Variants in RAD51B observed in about 807,000 individuals in gnomAD.
The protein encoded by RAD51B is DNA repair protein RAD51 homolog 2.
In RAD51B, 38 loss-of-function variants were observed where a neutral mutation model predicts 42.2. The observed-to-expected ratio is 0.90, with a 90% CI of 0.70 to 1.18. The LOEUF (loss-of-function observed/expected upper bound fraction) is 1.18, where lower values mean the gene tolerates loss of function less well. Among genes scored for constraint, RAD51B ranks in the 50% most tolerant of loss-of-function variants. The pLI is 0.00. For missense variants in RAD51B, 373 were observed against 400.7 expected (o/e 0.93, Z 0.59); for synonymous variants, 154 against 145.2 (o/e 1.06, Z -0.43).
In RAD51B at chr14:67,988,526, A is replaced by G. The variant is rs566243024; in HGVS notation, c.756+101322A>G. The stretch of plus-strand genomic sequence containing the variant: ...AGAAATGAAAAACAACATCTTGTCT[A>G]TTTTTTCCAGGATCAGGTGTAATAG... On this transcript the variant is annotated intron_variant, in intron 7 of 10. Coordinates refer to ENST00000471583, the MANE Select transcript of RAD51B (RefSeq NM_133510.4). 1.1e-3 allele frequency among the ~76,000 whole-genome samples: 161 copies of G among 152,252 alleles called. 2 individuals carry two copies. Among genetic ancestry groups the G allele is most frequent in the African/African-American group, 3.7e-3 (153 of 41,564 alleles).
chr14:68,630,655 C>T (rs10438159), intron 10 of RAD51B, among the ~76,000 whole-genome samples: 18,532 of 152,140 alleles, frequency 0.12, 2,151 homozygotes, highest in African/African-American at 0.3. Flanking sequence ...GTTTATACTC[C>T]CCTGAGCTTC....
chr14:68,321,275 C>T (rs914359979), intron 8 of RAD51B, among the ~76,000 whole-genome samples: 1 of 152,200 alleles, frequency 6.6e-6, no homozygotes, highest in African/African-American at 2.4e-5. Context: ...TACTGCAAGA[C>T]TAGGGCAGCC....
intron 8 of RAD51B, among the ~76,000 whole-genome samples, chr14:68,336,155 A>C (rs922474210): frequency 6.6e-6 from 1 of 152,252 alleles, no homozygotes; most frequent in South Asian, 2.1e-4. Context: ...CTGATATATA[A>C]TGTATTCAAC....
intron 10 of RAD51B, among the ~76,000 whole-genome samples, chr14:68,484,359 C>CTTTTCT (rs1883442500): frequency 7.7e-6 from 1 of 130,180 alleles, no homozygotes; most frequent in African/African-American, 3.0e-5. Context: ...CTTTCTTTTT[C>CTTTTCT]TTTTTTTTTT....
intron 11 of RAD51B, among the ~76,000 whole-genome samples, chr14:68,674,124 C>G (rs1893251691): frequency 6.6e-6 from 1 of 152,056 alleles, no homozygotes. Context: ...CATGCATACA[C>G]ACATACACAC....
intron 7 of RAD51B, among the ~76,000 whole-genome samples, chr14:68,164,248 G>A (rs1054266323): frequency 6.6e-6 from 1 of 152,144 alleles, no homozygotes; most frequent in Non-Finnish European, 1.5e-5. Flanking sequence ...ATGCCTTAGA[G>A]CATTTCCTTT....
chr14:68,585,778 CA>C (rs1261096436), intron 10 of RAD51B, among the ~76,000 whole-genome samples: 1 of 152,174 alleles, frequency 6.6e-6, no homozygotes, highest in Non-Finnish European at 1.5e-5. Context: ...AAGACGTGGG[CA>C]GACGCCTGGC....
intron 7 of RAD51B, among the ~76,000 whole-genome samples, chr14:67,900,602 G>C (rs1275001696): frequency 1.5e-5 from 2 of 134,114 alleles, no homozygotes; most frequent in Non-Finnish European, 3.1e-5. Context: ...TTCAGTTTGT[G>C]TGTGTGTGTG....
rs17105514 is a variant in RAD51B at position 68,386,226 on chromosome 14, C to T, written c.854-25198C>T. Among the ~76,000 whole-genome samples, 911 of 152,218 alleles carry T rather than the reference C, an allele frequency of 6.0e-3. 14 individuals carry two copies. The highest frequency in any genetic ancestry group is 0.021 in the African/African-American group (871 of 41,530). On this transcript the variant is annotated intron_variant, in intron 8 of 10. Transcript: ENST00000471583. ...AGTCCAGCTTTTGTGCTGTGGGTTC[C>T]ATCTGCTATGTGTCTCTCCCAGTCA...
intron 10 of RAD51B, among the ~76,000 whole-genome samples, chr14:68,550,268 G>T (rs1888465600): frequency 6.6e-6 from 1 of 152,194 alleles, no homozygotes; most frequent in Non-Finnish European, 1.5e-5. Context: ...TTCCTGGAGG[G>T]GTTAATAGTC....
chr14:68,228,543 G>C (rs762590599), intron 7 of RAD51B, among the ~76,000 whole-genome samples: 1 of 151,922 alleles, frequency 6.6e-6, no homozygotes, highest in Non-Finnish European at 1.5e-5. Flanking sequence ...CAACATCTTT[G>C]ATTTTTTTTT....
chr14:67,825,197 G>A (rs1478260871), intron 2 of RAD51B, among the ~76,000 whole-genome samples: 1 of 151,736 alleles, frequency 6.6e-6, no homozygotes, highest in Non-Finnish European at 1.5e-5. Flanking sequence ...TACGCACCTG[G>A]ATTGGATGCT....
chr14:67,877,734 C>A lies in RAD51B; in HGVS notation c.453-8135C>A, dbSNP rs545825631. Among the ~76,000 whole-genome samples the A allele has an allele frequency of 1.2e-4, 19 of 152,312 alleles. No homozygotes were observed. In the South Asian group the frequency reaches 3.3e-3, roughly 27 times the overall value. On this transcript the variant is annotated intron_variant, in intron 5 of 10. Coordinates refer to ENST00000471583, the MANE Select transcript of RAD51B (RefSeq NM_133510.4). ...CTAGAGTGCAGTGGCACAATCATAG[C>A]TCACTGCTGTCTCGACTTACTGGGT...
At chr14:68,450,409 G>A (rs766685523) in intron 9 of RAD51B, among the ~76,000 whole-genome samples, 73 of 152,130 alleles carry the variant, frequency 4.8e-4, no homozygotes, top group Middle Eastern at 3.4e-3. Context: ...AGTAGAGACG[G>A]GGTTTCGCCC....
At chr14:68,395,600 C>T (rs1297706386) in intron 8 of RAD51B, among the ~76,000 whole-genome samples, 1 of 152,132 alleles carries the variant, frequency 6.6e-6, no homozygotes, top group Non-Finnish European at 1.5e-5. Flanking sequence ...GTTGTTGCTG[C>T]AATGTTGTTG....
intron 8 of RAD51B, among the ~76,000 whole-genome samples, chr14:68,349,908 CTA>C (rs2082750055): frequency 6.6e-6 from 1 of 152,152 alleles, no homozygotes; most frequent in Admixed American, 6.5e-5. Context: ...AGAAAGAAAA[CTA>C]TAAAATTACA....
rs150710854 is a variant in RAD51B, at chr14:68,173,647, T to C, written c.757-118237T>C. ...TTCATAGACTGTCTCAGTTCCTCAG[T>C]AGAGAGAACTTAGAGGAGAAATGAC... On this transcript the variant is annotated intron_variant, in intron 7 of 10. Transcript: ENST00000471583. Among the ~76,000 whole-genome samples the C allele has an allele frequency of 1.8e-3, 267 of 152,248 alleles. 1 individual carries two copies. Among genetic ancestry groups the C allele is most frequent in the African/African-American group, 5.9e-3 (246 of 41,520 alleles).
intron 9 of RAD51B, among the ~76,000 whole-genome samples, chr14:68,435,510 T>TTG (rs1555409604): frequency 2.1e-5 from 3 of 143,582 alleles, no homozygotes; most frequent in African/African-American, 5.4e-5. Flanking sequence ...TTTTTTTTTT[T>TTG]GGGAGAACAA....
intron 10 of RAD51B, among the ~76,000 whole-genome samples, chr14:68,535,084 G>A (rs727392): frequency 0.85 from 128,954 of 152,096 alleles, 56,052 homozygotes; most frequent in South Asian, 0.97. Context: ...GCTCTGGTTT[G>A]GTTCTGGAGC....
Sources: allele counts gnomAD v4.1 joint callset (sites outside exome capture counted in the v4.1 genomes callset), GRCh38; gene constraint gnomAD v4.1.1; transcripts MANE v1.5; gene names NCBI Gene and HGNC (gene_info 2026-07-23, HGNC 2026-07-21).